ROCK1: variants seen among roughly 807,000 people sequenced by gnomAD.
ROCK1 encodes the protein Rho associated coiled-coil containing protein kinase 1, also known as rho-associated protein kinase 1.
Under a neutral mutation model 196.8 loss-of-function variants are expected in ROCK1, and 36 were observed. The observed-to-expected ratio is 0.18, with a 90% CI of 0.14 to 0.24. ROCK1 has a LOEUF of 0.24. ROCK1 is among the 10% of genes least tolerant of loss of function. The probability of loss-of-function intolerance (pLI) is 1.00; values close to 1 mark genes in which losing one functional copy is unlikely to be tolerated. For synonymous variants in ROCK1, 443 were observed against 515.9 expected (o/e 0.86, Z 1.91); for missense variants, 920 against 1,562.0 (o/e 0.59, Z 6.93).
Position 20,947,971 on chromosome 18 carries a change from A to G in ROCK1, c.*3413T>C, listed in dbSNP as rs866178207. The G allele has an allele frequency of 3.4e-4, 52 of 151,964 alleles. No individual in the cohort carries two copies. The highest frequency in any genetic ancestry group is 1.1e-3 in the African/African-American group (47 of 41,468). The allele number at this position is 151,964 out of a possible 1,614,324, so 9.4% of individuals were successfully genotyped here. On this transcript the variant is annotated 3_prime_UTR_variant, in exon 33 of 33. Transcript: ENST00000399799. ...CTAAAAATACAAAAATTAGCTGGGC[A>G]TGGTGGTGGGCACCTGTAATCCCAG...
At chr18:20,974,216 A>G (rs1227001845) in intron 22 of ROCK1, among the ~76,000 whole-genome samples, 2 of 152,228 alleles carry the variant, frequency 1.3e-5, no homozygotes, top group African/African-American at 2.4e-5. Flanking sequence ...AAGCAAGGCC[A>G]TTAGCTAAGT....
intron 12 of ROCK1, among the ~76,000 whole-genome samples, chr18:21,016,466 C>G (rs2035863708): frequency 6.6e-6 from 1 of 152,150 alleles, no homozygotes; most frequent in Non-Finnish European, 1.5e-5. Context: ...TATATCAAAT[C>G]AGTAAAGGCA....
Position 21,056,074 on chromosome 18 carries a change from T to G in ROCK1, c.176-6194A>C, listed in dbSNP as rs564766247. On this transcript the variant is annotated intron_variant, in intron 2 of 32. Coordinates refer to ENST00000399799, the MANE Select transcript of ROCK1 (RefSeq NM_005406.3). ...CTTTTCAACCTTAGTAGTTTTCAGT[T>G]GCCTTGGCTGGTTCCTCCCCTTCTC... Among the ~76,000 whole-genome samples, 9 of 152,304 alleles carry G rather than the reference T, an allele frequency of 5.9e-5. No homozygotes were observed. In the East Asian group the frequency reaches 1.7e-3, roughly 29 times the overall value.
intron 9 of ROCK1, among the ~76,000 whole-genome samples, chr18:21,034,914 A>G (rs1598537300): frequency 6.6e-6 from 1 of 152,310 alleles, no homozygotes; most frequent in Admixed American, 6.5e-5. Flanking sequence ...AAGAACTCCT[A>G]TAACTCAACA....
At chr18:20,988,097 G>A (rs111383142) in intron 18 of ROCK1, among the ~76,000 whole-genome samples, 147 of 151,134 alleles carry the variant, frequency 9.7e-4, no homozygotes, top group Non-Finnish European at 1.5e-3. Flanking sequence ...ATGGTGTCTC[G>A]CTCTGTTGCC....
chr18:21,093,930 T>C (rs2036591779), intron 1 of ROCK1, among the ~76,000 whole-genome samples: 1 of 148,146 alleles, frequency 6.8e-6, no homozygotes, highest in African/African-American at 2.5e-5. Flanking sequence ...CACTCCAGCT[T>C]GGGTGACAGA....
intron 1 of ROCK1, among the ~76,000 whole-genome samples, chr18:21,098,465 A>G (rs1258568701): frequency 6.6e-6 from 1 of 152,214 alleles, no homozygotes; most frequent in African/African-American, 2.4e-5. Context: ...AAAAACATTA[A>G]GCATCAGAGA....
intron 22 of ROCK1, among the ~76,000 whole-genome samples, chr18:20,973,466 C>T (rs186036070): frequency 9.2e-5 from 14 of 151,850 alleles, no homozygotes; most frequent in Non-Finnish European, 1.9e-4. Flanking sequence ...TTAGTAGAGA[C>T]GGGGTTTCAC....
At chr18:20,960,791 C>T (rs530987283) in intron 27 of ROCK1, 48 of 152,194 alleles carry the variant, frequency 3.2e-4, no homozygotes, top group African/African-American at 1.1e-3. Context: ...GGTAAAACAA[C>T]TTCAATTTGA....
intron 16 of ROCK1, among the ~76,000 whole-genome samples, chr18:21,005,711 T>C (rs2035762639): frequency 6.6e-6 from 1 of 152,094 alleles, no homozygotes; most frequent in Admixed American, 6.6e-5. Flanking sequence ...ACCCCGTCTC[T>C]ACAAAAAATG....
At chr18:21,046,670 G>A (rs2036162413) in intron 4 of ROCK1, among the ~76,000 whole-genome samples, 1 of 151,930 alleles carries the variant, frequency 6.6e-6, no homozygotes, top group Non-Finnish European at 1.5e-5. Context: ...ATAAAAAGAA[G>A]GGCAAATTTA....
chr18:21,032,006 C>CACATT (rs1277564914), intron 9 of ROCK1, among the ~76,000 whole-genome samples: 1 of 152,152 alleles, frequency 6.6e-6, no homozygotes, highest in East Asian at 1.9e-4. Context: ...GACCAACATA[C>CACATT]ACATTATGGG....
intron 27 of ROCK1, among the ~76,000 whole-genome samples, chr18:20,962,358 C>A (rs1483035586): frequency 6.6e-6 from 1 of 152,108 alleles, no homozygotes; most frequent in Non-Finnish European, 1.5e-5. Flanking sequence ...GAAAAGGAGT[C>A]TTAATATCTG....
intron 9 of ROCK1, among the ~76,000 whole-genome samples, chr18:21,031,282 A>G (rs288979): frequency 0.21 from 31,259 of 152,104 alleles, 7,206 homozygotes; most frequent in African/African-American, 0.57. Flanking sequence ...AAGCAAGAAA[A>G]TATGGGCCAT....
intron 2 of ROCK1, among the ~76,000 whole-genome samples, chr18:21,053,424 G>A (rs2036221052): frequency 6.6e-6 from 1 of 152,126 alleles, no homozygotes; most frequent in Non-Finnish European, 1.5e-5. Context: ...CTTAGTCTGG[G>A]AATGTCCAAA....
chr18:21,016,864 C>T (rs1358126153), intron 12 of ROCK1, among the ~76,000 whole-genome samples: 4 of 151,934 alleles, frequency 2.6e-5, no homozygotes. Flanking sequence ...CACTTAAATT[C>T]CAAATTTCTT....
chr18:21,006,471 T>A lies in ROCK1; in HGVS notation c.1765A>T (p.Asn589Tyr). The stretch of plus-strand genomic sequence containing the variant: ...GACTTAGAATTCTCTAAAATTCGAT[T>A]TCTCTCTTGCAACTCTCTGTTCAGG... Reference protein sequence around the residue: ...ESLNRELQERNRILENSKSQT... With the variant: ...ESLNRELQERYRILENSKSQT... Residue 589 changes from asparagine to tyrosine, a missense_variant, in exon 16 of 33, where the codon AAT becomes TAT. Transcript: ENST00000399799. 1 of 1,613,890 alleles carries A rather than the reference T, an allele frequency of 6.2e-7. No individual in the cohort carries two copies. The highest frequency in any genetic ancestry group is 8.5e-7 in the Non-Finnish European group (1 of 1,179,972).
chr18:20,958,871 TTA>T (rs1198319826), intron 29 of ROCK1, among the ~76,000 whole-genome samples: 95 of 116,664 alleles, frequency 8.1e-4, no homozygotes, highest in East Asian at 3.2e-3. Context: ...AATATATATA[TTA>T]TATATATAAA....
intron 1 of ROCK1, among the ~76,000 whole-genome samples, chr18:21,080,897 TAC>T (rs1476140401): frequency 6.6e-6 from 1 of 152,068 alleles, no homozygotes; most frequent in Non-Finnish European, 1.5e-5. Context: ...AAGAAAGAAA[TAC>T]ATAGTTCTAC....
Sources: gnomAD v4.1 joint callset for allele counts (sites outside exome capture counted in the v4.1 genomes callset) on GRCh38, gnomAD v4.1.1 for gene constraint, MANE v1.5 for transcripts, NCBI Gene and HGNC (gene_info 2026-07-23, HGNC 2026-07-21) for gene names.